Variants in TRNAU1AP observed in about 807,000 individuals in gnomAD.
TRNAU1AP encodes tRNA selenocysteine 1 associated protein 1, also known as tRNA selenocysteine 1-associated protein 1.
A neutral mutation model predicts 43.3 loss-of-function variants in TRNAU1AP; 33 were observed. The observed-to-expected ratio is 0.76, with a 90% confidence interval of 0.58 to 1.02. TRNAU1AP has a LOEUF of 1.02. TRNAU1AP is among the 50% of genes least tolerant of loss of function. TRNAU1AP has a pLI of 0.00. For missense variants in TRNAU1AP, 290 were observed against 362.7 expected, an observed-to-expected ratio of 0.80 and a Z score of 1.63; for synonymous variants, 143 against 129.1, an observed-to-expected ratio of 1.11 and a Z score of -0.73.
At chr1:28,576,232 C>T (rs1031768356) in intron 8 of TRNAU1AP, among the ~76,000 whole-genome samples, 1 of 151,128 alleles carries the variant, frequency 6.6e-6, no homozygotes, top group Non-Finnish European at 1.5e-5. Flanking sequence ...TGCCTCACTG[C>T]AGCCTCGACC....
rs1187371829 is a variant in TRNAU1AP, at chr1:28,558,215, ATT to A, written c.126-2400_126-2399del. On this transcript the variant is annotated intron_variant, in intron 2 of 8. Coordinates refer to ENST00000373830, the MANE Select transcript of TRNAU1AP (RefSeq NM_017846.5). ...CCCAGCCCGCCCTGCTAATTTTTGTATTTTTTTTTTTTTTTTTTTGAGATGGA... is the reference window on the plus strand; with the variant it reads ...CCCAGCCCGCCCTGCTAATTTTTGTATTTTTTTTTTTTTTTTTGAGATGGA... Among the ~76,000 whole-genome samples, 192 of 110,542 alleles carry A rather than the reference ATT, an allele frequency of 1.7e-3. 1 individual carries two copies. Among genetic ancestry groups the A allele is most frequent in the African/African-American group, 6.2e-3 (179 of 28,926 alleles). 72.5% of individuals were successfully genotyped at this position (110,542 alleles called of 152,430 possible).
At chr1:28,556,172 C>CT (rs977377479) in intron 2 of TRNAU1AP, among the ~76,000 whole-genome samples, 1 of 151,388 alleles carries the variant, frequency 6.6e-6, no homozygotes, top group Non-Finnish European at 1.5e-5. Context: ...TTTTAAAACA[C>CT]TGGCATAGGC....
At position 28,578,516 on chromosome 1, in the gene TRNAU1AP, C is replaced by CA; in HGVS notation, c.*887dup. 1 of 318,312 alleles carries CA rather than the reference C, an allele frequency of 3.1e-6. No homozygotes were observed. 19.7% of individuals were successfully genotyped at this position (318,312 alleles called of 1,614,324 possible). ...CGGGAAGAGACCAGTTCGGTCTCTA[C>CA]AAAAAAATACAAACACAAATATACT... On this transcript the variant is annotated 3_prime_UTR_variant, in exon 9 of 9. Transcript: ENST00000373830.
At chr1:28,561,501 T>C in intron 4 of TRNAU1AP, 103 bp downstream of exon 4, 1 of 1,271,266 alleles carries the variant, frequency 7.9e-7, no homozygotes, top group Non-Finnish European at 1.1e-6. Flanking sequence ...GGTTCCCTCC[T>C]GAAGGACGAC....
chr1:28,553,452 G>A (rs1039037911), intron 1 of TRNAU1AP, 188 bp from the exon 2 acceptor site: 2 of 635,820 alleles, frequency 3.1e-6, no homozygotes, highest in African/African-American at 1.8e-5. Flanking sequence ...TCCAAGGGGA[G>A]GCTCCCTAAA....
intron 2 of TRNAU1AP, among the ~76,000 whole-genome samples, chr1:28,555,534 A>G (rs989714490): frequency 1.4e-5 from 2 of 141,768 alleles, no homozygotes; most frequent in African/African-American, 5.3e-5. Flanking sequence ...TCGCTCTGTC[A>G]CTACCCAGGT....
At chr1:28,560,190 A>T (rs912975313) in intron 2 of TRNAU1AP, among the ~76,000 whole-genome samples, 1 of 151,992 alleles carries the variant, frequency 6.6e-6, no homozygotes, top group Non-Finnish European at 1.5e-5. Flanking sequence ...ATTAGGTCTG[A>T]GCTGGGGTAT....
intron 5 of TRNAU1AP, among the ~76,000 whole-genome samples, chr1:28,566,023 AT>A (rs1356118227): frequency 6.6e-6 from 1 of 152,130 alleles, no homozygotes; most frequent in African/African-American, 2.4e-5. Context: ...CCCTGAGAAA[AT>A]GCTCAGCACA....
At chr1:28,569,787 C>A (rs1431585826) in intron 6 of TRNAU1AP, among the ~76,000 whole-genome samples, 3 of 143,194 alleles carry the variant, frequency 2.1e-5, no homozygotes, top group Non-Finnish European at 3.0e-5. Context: ...GAGATTGAGA[C>A]CATCCTGGCT....
intron 7 of TRNAU1AP, 91 bp from the exon 8 acceptor site, chr1:28,571,776 C>T (rs1354466374): frequency 1.2e-6 from 1 of 864,556 alleles, no homozygotes; most frequent in Non-Finnish European, 1.8e-6. Flanking sequence ...GAGCTAGACT[C>T]CACCTCAAAA....
intron 3 of TRNAU1AP, chr1:28,561,073 G>T: frequency 1.5e-6 from 2 of 1,363,800 alleles, no homozygotes; most frequent in South Asian, 1.6e-5. Context: ...GCAGCAGCAA[G>T]GACACATTTC....
chr1:28,570,564 T>TG (rs1219448389), intron 6 of TRNAU1AP, among the ~76,000 whole-genome samples: 1 of 151,774 alleles, frequency 6.6e-6, no homozygotes, highest in African/African-American at 2.4e-5. Context: ...TGTTTTGTTT[T>TG]TTTTTTTAAA....
intron 2 of TRNAU1AP, among the ~76,000 whole-genome samples, chr1:28,558,337 C>T (rs574111188): frequency 1.3e-5 from 2 of 149,662 alleles, no homozygotes; most frequent in Non-Finnish European, 3.0e-5. Flanking sequence ...GCCTCAGCCT[C>T]CCGAGTAGCT....
intron 8 of TRNAU1AP, among the ~76,000 whole-genome samples, chr1:28,572,683 C>T (rs946902478): frequency 1.2e-4 from 18 of 151,514 alleles, no homozygotes; most frequent in African/African-American, 4.4e-4. Context: ...GCCTCTAATC[C>T]CAGCACTTTG....
intron 7 of TRNAU1AP, 24 bp downstream of exon 7, chr1:28,571,362 G>A: frequency 6.2e-7 from 1 of 1,612,964 alleles, no homozygotes; most frequent in Non-Finnish European, 8.5e-7. Context: ...GGCAAGACTG[G>A]TCCCCTTGGG....
intron 2 of TRNAU1AP, among the ~76,000 whole-genome samples, chr1:28,557,765 T>G (rs1208974535): frequency 6.6e-6 from 1 of 151,754 alleles, no homozygotes. Context: ...ATTTTTGTAT[T>G]CTTATTACAG....
intron 8 of TRNAU1AP, among the ~76,000 whole-genome samples, chr1:28,574,940 A>G (rs1665739978): frequency 6.7e-6 from 1 of 150,146 alleles, no homozygotes; most frequent in Non-Finnish European, 1.5e-5. Context: ...GGAAGGACAC[A>G]GGAGCTCCAT....
chr1:28,556,139 A>AC (rs1425559148), intron 2 of TRNAU1AP, among the ~76,000 whole-genome samples: 1 of 150,728 alleles, frequency 6.6e-6, no homozygotes, highest in Non-Finnish European at 1.5e-5. Flanking sequence ...GGTGTGAGCC[A>AC]CCGCGCCCGG....
At chr1:28,568,674 A>G (rs1665592516) in intron 6 of TRNAU1AP, among the ~76,000 whole-genome samples, 1 of 152,152 alleles carries the variant, frequency 6.6e-6, no homozygotes, top group African/African-American at 2.4e-5. Context: ...GGTTATCACA[A>G]CCAAGGATGT....
Sources: gnomAD v4.1 joint callset for allele counts (sites outside exome capture counted in the v4.1 genomes callset) on GRCh38, gnomAD v4.1.1 for gene constraint, MANE v1.5 for transcripts, NCBI Gene and HGNC (gene_info 2026-07-23, HGNC 2026-07-21) for gene names.